EPHB1: variants seen among roughly 807,000 people sequenced by gnomAD.
The protein encoded by EPHB1 is ephrin type-B receptor 1.
A neutral mutation model predicts 94.4 loss-of-function variants in EPHB1; 30 were observed. That is an observed-to-expected ratio of 0.32 (90% confidence interval 0.24 to 0.43). EPHB1 has a LOEUF of 0.43. Ranked by LOEUF, EPHB1 falls within the 20% of genes least tolerant of loss-of-function variation. EPHB1 has a pLI of 1.00. For synonymous variants in EPHB1, 522 were observed against 489.1 expected (o/e 1.07, Z -0.89); for missense variants, 1,055 against 1,308.3 (o/e 0.81, Z 2.99).
At chr3:135,214,095 G>A (rs1943088320) in intron 12 of EPHB1, among the ~76,000 whole-genome samples, 1 of 152,130 alleles carries the variant, frequency 6.6e-6, no homozygotes, top group Admixed American at 6.5e-5. Flanking sequence ...AAGCCCGCCA[G>A]TTCCTCCTCC....
At chr3:134,811,242 G>GGTTTTTTTTTTTTTTTTTTT (rs2036168294) in intron 1 of EPHB1, among the ~76,000 whole-genome samples, 34 of 73,878 alleles carry the variant, frequency 4.6e-4, no homozygotes, top group African/African-American at 1.4e-3. Flanking sequence ...TACTAAGAAG[G>GGTTTTTTTTTTTTTTTTTTT]TTTTTTTTTT....
intron 5 of EPHB1, among the ~76,000 whole-genome samples, chr3:135,134,052 T>C (rs1474543013): frequency 6.6e-6 from 1 of 152,136 alleles, no homozygotes; most frequent in African/African-American, 2.4e-5. Context: ...ATGCAGTAAA[T>C]ACCAAGGGAG....
chr3:135,098,552 A>G (rs375544405), intron 3 of EPHB1, among the ~76,000 whole-genome samples: 2 of 151,922 alleles, frequency 1.3e-5, no homozygotes. Context: ...TTTCTTCCCT[A>G]TTATAAATAA....
chr3:135,129,092 C>T (rs188329051), intron 4 of EPHB1, among the ~76,000 whole-genome samples: 1 of 152,106 alleles, frequency 6.6e-6, no homozygotes, highest in East Asian at 1.9e-4. Context: ...GTTCATGCGC[C>T]ACAGATGCAT....
intron 3 of EPHB1, among the ~76,000 whole-genome samples, chr3:135,099,300 G>A (rs1257589615): frequency 1.7e-5 from 2 of 115,892 alleles, no homozygotes; most frequent in African/African-American, 6.2e-5. Context: ...TAGTACATTG[G>A]ATGGATGGAT....
At chr3:135,133,797 T>C (rs1940513966) in intron 5 of EPHB1, among the ~76,000 whole-genome samples, 1 of 152,222 alleles carries the variant, frequency 6.6e-6, no homozygotes, top group African/African-American at 2.4e-5. Flanking sequence ...TTATTACTTT[T>C]CACAGCTCTT....
chr3:135,031,588 G>T (rs1031201122), intron 3 of EPHB1, among the ~76,000 whole-genome samples: 1 of 152,198 alleles, frequency 6.6e-6, no homozygotes, highest in Admixed American at 6.5e-5. Flanking sequence ...GGGGTTATAG[G>T]CATGAGCCAC....
At chr3:135,241,821 G>GAATT (rs1294168751) in intron 13 of EPHB1, among the ~76,000 whole-genome samples, 2 of 152,116 alleles carry the variant, frequency 1.3e-5, no homozygotes, top group African/African-American at 4.8e-5. Flanking sequence ...TCTTCCTTGA[G>GAATT]AATTCACTCT....
intron 10 of EPHB1, among the ~76,000 whole-genome samples, chr3:135,190,086 A>C (rs1942418246): frequency 6.6e-6 from 1 of 152,182 alleles, no homozygotes; most frequent in Non-Finnish European, 1.5e-5. Context: ...TGGCAGGAAA[A>C]GATGGGTATG....
intron 3 of EPHB1, among the ~76,000 whole-genome samples, chr3:135,024,327 A>G (rs1467557469): frequency 6.6e-6 from 1 of 152,222 alleles, no homozygotes; most frequent in Non-Finnish European, 1.5e-5. Context: ...TTCATGTCAC[A>G]AACTGTTGGG....
chr3:134,893,121 T>G (rs1335584437), intron 1 of EPHB1, among the ~76,000 whole-genome samples: 1 of 152,170 alleles, frequency 6.6e-6, no homozygotes, highest in Non-Finnish European at 1.5e-5. Flanking sequence ...ACGGTCCACC[T>G]CCCTGTAATA....
chr3:135,182,091 A>C (rs1411794726), intron 10 of EPHB1, among the ~76,000 whole-genome samples: 1 of 152,214 alleles, frequency 6.6e-6, no homozygotes, highest in African/African-American at 2.4e-5. Context: ...TTTTAACAGA[A>C]GACACTCCTG....
chr3:134,828,987 G>A (rs538852621), intron 1 of EPHB1, among the ~76,000 whole-genome samples: 73 of 152,296 alleles, frequency 4.8e-4, no homozygotes, highest in Admixed American at 1.3e-3. Flanking sequence ...GATCACCCAG[G>A]TCATACCCTA....
intron 5 of EPHB1, among the ~76,000 whole-genome samples, chr3:135,133,444 G>C (rs961262613): frequency 2.6e-5 from 4 of 152,220 alleles, no homozygotes; most frequent in African/African-American, 9.7e-5. Flanking sequence ...GGGCTAGGTA[G>C]GTGGACAGAT....
At chr3:135,228,913 A>G (rs1010963985) in intron 12 of EPHB1, among the ~76,000 whole-genome samples, 35 of 152,262 alleles carry the variant, frequency 2.3e-4, no homozygotes, top group Middle Eastern at 3.4e-3. Flanking sequence ...ATATGAGGAA[A>G]AGGCAGCATG....
chr3:134,934,050 T>C (rs1018412993), intron 2 of EPHB1, among the ~76,000 whole-genome samples: 1 of 151,530 alleles, frequency 6.6e-6, no homozygotes, highest in African/African-American at 2.4e-5. Flanking sequence ...AAGTCAGAGC[T>C]CCCCACCCTA....
intron 15 of EPHB1, 97 bp from the exon 16 acceptor site, chr3:135,258,915 G>A: frequency 9.4e-7 from 1 of 1,064,394 alleles, no homozygotes; most frequent in South Asian, 1.4e-5. Context: ...TTTGTAGCAT[G>A]GCTACTTCCC....
chr3:134,822,493 A>G (rs980673958), intron 1 of EPHB1, among the ~76,000 whole-genome samples: 6 of 152,226 alleles, frequency 3.9e-5, no homozygotes, highest in African/African-American at 2.4e-5. Flanking sequence ...GCAAAAAGGA[A>G]TCACTTCCTA....
intron 10 of EPHB1, 109 bp downstream of exon 10, chr3:135,180,091 T>A: frequency 7.8e-7 from 1 of 1,284,114 alleles, no homozygotes. Context: ...GAGGAGAGCT[T>A]CTATCTTCTT....
Sources: gnomAD v4.1 joint callset for allele counts (sites outside exome capture counted in the v4.1 genomes callset) on GRCh38, gnomAD v4.1.1 for gene constraint, MANE v1.5 for transcripts, NCBI Gene and HGNC (gene_info 2026-07-23, HGNC 2026-07-21) for gene names.